POGZ: variants seen among roughly 807,000 people sequenced by gnomAD.
POGZ encodes pogo transposable element derived with ZNF domain.
Under a neutral mutation model 134.6 loss-of-function variants are expected in POGZ, and 17 were observed. The ratio of observed to expected loss-of-function variants is 0.13; its 90% CI spans 0.09 to 0.19. The LOEUF is 0.19. POGZ is among the 10% of genes least tolerant of loss of function. The probability of loss-of-function intolerance (pLI) is 1.00; values close to 1 mark genes in which losing one functional copy is unlikely to be tolerated. For missense variants in POGZ, 1,306 were observed against 1,769.7 expected, an observed-to-expected ratio of 0.74 and a Z score of 4.70; for synonymous variants, 693 against 657.1, an observed-to-expected ratio of 1.05 and a Z score of -0.84.
In POGZ at chr1:151,405,706, C is replaced by T. The variant is rs745753317; in HGVS notation, c.3329G>A (p.Arg1110Gln). The stretch of plus-strand genomic sequence containing the variant: ...GGGTAAGTCCTGGTTGTGAATCTGC[C>T]GTTGTACAAAATCAATGAAGAGTCC... ...NAGLFIDFVQ[R>Q]QIHNQDLPLS... Residue 1110 changes from arginine (R) to glutamine (Q), a missense_variant, in exon 19 of 19, where the codon CGG (arginine) becomes CAG (glutamine). By Grantham distance (43) the Arg-to-Gln change is conservative (BLOSUM62 1). Transcript: ENST00000271715. This position sits in a 1 kb window ranked among gnomAD's most constrained non-coding sequence, Gnocchi z 4.9. 54 of 1,614,028 alleles carry T rather than the reference C, an allele frequency of 3.3e-5. No homozygotes were observed. In the Admixed American group the frequency reaches 3.5e-4, roughly 10 times the overall value.
At chr1:151,421,583 CTCT>C (rs963958992) in intron 10 of POGZ, among the ~76,000 whole-genome samples, 4 of 152,168 alleles carry the variant, frequency 2.6e-5, no homozygotes, top group African/African-American at 9.7e-5. Flanking sequence ...AAGATAAGAT[CTCT>C]TCTTTGTCTA....
At chr1:151,423,064 A>C (rs914504976) in intron 10 of POGZ, among the ~76,000 whole-genome samples, 1 of 152,236 alleles carries the variant, frequency 6.6e-6, no homozygotes, top group African/African-American at 2.4e-5. Context: ...ATCAGGGTTT[A>C]ACTAAAGTGG....
In POGZ at chr1:151,424,115, G is replaced by A. The variant is rs1433388035; in HGVS notation, c.1357C>T (p.Pro453Ser). ...ACGGCATCGCCCACGTTCTCATTTG[G>A]TTCTGGTACTTTGGTAGGCGGTGAC... ...ALSPPTKVPEPNENVGDAVQT... is the reference protein window; with the variant it reads ...ALSPPTKVPESNENVGDAVQT... Residue 453 changes from proline (P) to serine (S), a missense_variant, in exon 9 of 19, where the codon CCA becomes TCA. Around this residue, in one of 10 missense-constraint regions of POGZ, gnomAD observed 541 missense variants for 680.5 expected, o/e 0.80. Coordinates refer to ENST00000271715, the MANE Select transcript of POGZ (RefSeq NM_015100.4). 1 of 1,614,158 alleles carries A rather than the reference G, an allele frequency of 6.2e-7. No homozygotes were observed. The highest frequency in any genetic ancestry group is 1.7e-5 in the Admixed American group (1 of 60,022).
At chr1:151,412,821 TAA>T (rs1265625048) in intron 10 of POGZ, among the ~76,000 whole-genome samples, 2 of 152,138 alleles carry the variant, frequency 1.3e-5, no homozygotes, top group Non-Finnish European at 1.5e-5. Context: ...TCTATACTTA[TAA>T]TAAGGCAAAA....
chr1:151,433,606 C>CAAAA (rs57509550), intron 3 of POGZ, among the ~76,000 whole-genome samples: 180 of 81,556 alleles, frequency 2.2e-3, no homozygotes, highest in East Asian at 4.4e-3. Flanking sequence ...AATTCCGTCT[C>CAAAA]AAAAAAAAAA....
chr1:151,433,068 CT>C (rs1658967596), intron 3 of POGZ, among the ~76,000 whole-genome samples: 2 of 152,092 alleles, frequency 1.3e-5, no homozygotes, highest in Non-Finnish European at 2.9e-5. Flanking sequence ...TAAATTATCT[CT>C]TATTTATCCT....
chr1:151,433,934 T>C (rs1413553747), intron 3 of POGZ, among the ~76,000 whole-genome samples: 6 of 152,102 alleles, frequency 3.9e-5, no homozygotes, highest in Admixed American at 3.9e-4. Flanking sequence ...GTCCCAGCTA[T>C]TTGAGAGGCT....
Position 151,442,109 on chromosome 1 carries a change from ATCT to A in POGZ, c.93_95del (p.Glu31del). The A allele has an allele frequency of 6.2e-7, 1 of 1,604,494 alleles. No homozygotes were observed. The highest frequency in any genetic ancestry group is 1.1e-5 in the South Asian group (1 of 90,838). ...TGGTAGTTTTATCCACTGAATTATAATCTTCAACTACAGAGTCCTCAATGACAT... is the reference window on the plus strand; with the variant it reads ...TGGTAGTTTTATCCACTGAATTATAATCAACTACAGAGTCCTCAATGACAT... On this transcript the variant is annotated inframe_deletion, in exon 2 of 19. Coordinates refer to ENST00000271715, the MANE Select transcript of POGZ (RefSeq NM_015100.4).
rs1044563938 is a variant in POGZ at position 151,459,361 on chromosome 1, T to C, written c.-211A>G. The C allele has an allele frequency of 1.7e-5, 2 of 120,758 alleles. No individual in the cohort carries two copies. The highest frequency in any genetic ancestry group is 3.3e-5 in the Non-Finnish European group (2 of 60,702). 7.5% of individuals were successfully genotyped at this position (120,758 alleles called of 1,614,324 possible). A position where few individuals can be genotyped will look rare whatever the true frequency, so the allele number is the denominator to read the frequency against. On this transcript the variant is annotated 5_prime_UTR_variant, in exon 1 of 19. Transcript: ENST00000271715. ...TCGAGTGATTCGGGGTGGATTTTTT[T>C]CCCGAGGGGGGCGGGGGGGCCCCGA... is the stretch of plus-strand genomic sequence containing the variant.
At chr1:151,423,188 C>T (rs1657228045) in intron 10 of POGZ, among the ~76,000 whole-genome samples, 1 of 152,086 alleles carries the variant, frequency 6.6e-6, no homozygotes. Context: ...GGATCTAACA[C>T]TGAACTCAAT....
intron 7 of POGZ, chr1:151,426,158 G>C (rs1571442598): frequency 6.6e-6 from 1 of 151,802 alleles, no homozygotes; most frequent in Non-Finnish European, 1.5e-5. Context: ...TTTGGAGAAA[G>C]GTCTATTCAG....
At chr1:151,453,533 T>A (rs1233127519) in intron 1 of POGZ, among the ~76,000 whole-genome samples, 1 of 150,618 alleles carries the variant, frequency 6.6e-6, no homozygotes, top group African/African-American at 2.4e-5. Context: ...AGGTGGATTA[T>A]GTAGGCTACC....
At chr1:151,438,154 T>C (rs566721561) in intron 3 of POGZ, among the ~76,000 whole-genome samples, 3 of 151,780 alleles carry the variant, frequency 2.0e-5, no homozygotes, top group East Asian at 3.9e-4. Context: ...GAGGTTGCAG[T>C]GGGCCAAGAT....
chr1:151,412,520 C>T lies in POGZ; in HGVS notation c.1679-124G>A, dbSNP rs1654844962. The T allele has an allele frequency of 2.6e-5, 16 of 609,168 alleles. No homozygotes were observed. In the South Asian group the frequency reaches 3.0e-4, roughly 11 times the overall value. 37.7% of individuals were successfully genotyped at this position (609,168 alleles called of 1,614,324 possible). A position where few individuals can be genotyped will look rare whatever the true frequency, so the allele number is the denominator to read the frequency against. On this transcript the variant is annotated intron_variant, in intron 10 of 18. Transcript: ENST00000271715. The stretch of plus-strand genomic sequence containing the variant: ...TCAACAATCAGTAAATCATAGGTCC[C>T]TTCTGTTCTTTCTTTAAATGGCTCC...
At chr1:151,415,292 A>G (rs1655426242) in intron 10 of POGZ, among the ~76,000 whole-genome samples, 1 of 152,220 alleles carries the variant, frequency 6.6e-6, no homozygotes. Context: ...TTGAAAGATT[A>G]GAATAACCTA....
intron 3 of POGZ, among the ~76,000 whole-genome samples, chr1:151,433,601 C>T (rs1571488377): frequency 1.3e-5 from 1 of 74,550 alleles, no homozygotes; most frequent in African/African-American, 4.4e-5. Context: ...AGCGAAATTC[C>T]GTCTCAAAAA....
rs951110615 is a variant in POGZ at position 151,406,145 on chromosome 1, T to C, written c.2890A>G (p.Ser964Gly). 12 of 1,614,186 alleles carry C rather than the reference T, an allele frequency of 7.4e-6. No individual in the cohort carries two copies. Among genetic ancestry groups the C allele is most frequent in the East Asian group, 2.2e-5 (1 of 44,894 alleles). Residue 964 changes from serine (S) to glycine (G), a missense_variant, in exon 19 of 19, where the codon AGT becomes GGT. Transcript: ENST00000271715. ...EPELASGGGGSGGVGKKEQLS... is the reference protein window; with the variant it reads ...EPELASGGGGGGGVGKKEQLS... ...TGCTCCTTTTTGCCAACTCCACCAC[T>C]ACCACCACCACCTGATGCTAGCTCA...
chr1:151,430,137 C>T (rs1465715671), intron 4 of POGZ, among the ~76,000 whole-genome samples: 1 of 152,106 alleles, frequency 6.6e-6, no homozygotes, highest in African/African-American at 2.4e-5. Context: ...AAACCTTTGG[C>T]AAATTCATAA....
At position 151,441,106 on chromosome 1, in the gene POGZ, T is replaced by C. The variant is rs764302923; in HGVS notation, c.125-20A>G. The C allele has an allele frequency of 2.2e-5, 35 of 1,607,528 alleles. No individual in the cohort carries two copies. Among genetic ancestry groups the C allele is most frequent in the Non-Finnish European group, 2.6e-5 (30 of 1,175,808 alleles). On this transcript the variant is annotated intron_variant, in intron 2 of 18. Transcript: ENST00000271715. ...CAGAAACTGTGGGGAAGGGGAGGCA[T>C]AGTCACTTGGAGACAGGGACAGATG...
Sources: gnomAD v4.1 joint callset for allele counts (sites outside exome capture counted in the v4.1 genomes callset) on GRCh38, gnomAD v4.1.1 for gene constraint, gnomAD v4.1.1 regional missense constraint, Gnocchi (gnomAD v3.1) non-coding constraint, MANE v1.5 for transcripts, NCBI Gene and HGNC (gene_info 2026-07-23, HGNC 2026-07-21) for gene names.